LRRC41: variants seen among roughly 807,000 people sequenced by gnomAD.
The protein encoded by LRRC41 is leucine rich repeat containing 41, also known as leucine-rich repeat-containing protein 41.
Under a neutral mutation model 72.1 loss-of-function variants are expected in LRRC41, and 17 were observed. The ratio of observed to expected loss-of-function variants is 0.24; its 90% CI spans 0.16 to 0.35. The LOEUF is 0.35. Ranked by LOEUF, LRRC41 falls within the 10% of genes least tolerant of loss-of-function variation. The probability of loss-of-function intolerance (pLI) is 1.00; values close to 1 mark genes in which losing one functional copy is unlikely to be tolerated. For missense variants in LRRC41, 759 were observed against 1,065.0 expected (o/e 0.71, Z 4.00); for synonymous variants, 427 against 431.0 (o/e 0.99, Z 0.11).
In LRRC41 at chr1:46,302,488, C is replaced by A; in HGVS notation, c.199+636G>T. 1 of 985,384 alleles carries A rather than the reference C, an allele frequency of 1.0e-6. No individual in the cohort carries two copies. Among genetic ancestry groups the A allele is most frequent in the Non-Finnish European group, 1.2e-6 (1 of 829,894 alleles). 61.0% of individuals were successfully genotyped at this position (985,384 alleles called of 1,614,324 possible). A position where few individuals can be genotyped will look rare whatever the true frequency, so the allele number is the denominator to read the frequency against. On this transcript the variant is annotated intron_variant, in intron 1 of 9. Coordinates refer to ENST00000617190, the MANE Select transcript of LRRC41 (RefSeq NM_006369.5). The surrounding 1 kb of genome is among the most constrained non-coding windows in gnomAD (Gnocchi z 4.7). ...CGAGACCCCGGTTGTCGGTTCGCTC[C>A]CGTCAGCCCTGGGCCGTCAGACAGG...
At position 46,279,583 on chromosome 1, in the gene LRRC41, C is replaced by T; in HGVS notation, c.2052G>A (p.Glu684=). Residue 684 remains glutamate, a synonymous_variant, in exon 8 of 10, where the codon GAG becomes GAA. Coordinates refer to ENST00000617190, the MANE Select transcript of LRRC41 (RefSeq NM_006369.5). This position sits in a 1 kb window ranked among gnomAD's most constrained non-coding sequence, Gnocchi z 4.5. ...EITFSFCRLF[E]KRPAQFLPEM... The stretch of plus-strand genomic sequence containing the variant: ...CAGGCAGAAATTGGGCTGGGCGCTT[C>T]TCAAACAGACGGCAGAAGGAGAAGG... 1 of 1,614,188 alleles carries T rather than the reference C, an allele frequency of 6.2e-7. No homozygotes were observed. The highest frequency in any genetic ancestry group is 1.1e-5 in the South Asian group (1 of 91,084).
At position 46,286,742 on chromosome 1, in the gene LRRC41, A is replaced by G. The variant is rs1660891488; in HGVS notation, c.358-243T>C. ...CCCTGGAAATCTGGTTCCAGAGACCATGCTTTTATTATAGTGTCTCCACTG... is the reference window on the plus strand; with the variant it reads ...CCCTGGAAATCTGGTTCCAGAGACCGTGCTTTTATTATAGTGTCTCCACTG... On this transcript the variant is annotated intron_variant, in intron 3 of 9. Transcript: ENST00000617190. This position sits in a 1 kb window ranked among gnomAD's most constrained non-coding sequence, Gnocchi z 5.5. Among the ~76,000 whole-genome samples, 1 of 152,212 alleles carries G rather than the reference A, an allele frequency of 6.6e-6. No homozygotes were observed. The highest frequency in any genetic ancestry group is 1.5e-5 in the Non-Finnish European group (1 of 68,034).
chr1:46,297,802 C>T lies in LRRC41; in HGVS notation c.287-169G>A, dbSNP rs556590958. Among the ~76,000 whole-genome samples the T allele has an allele frequency of 1.6e-4, 24 of 152,272 alleles. No homozygotes were observed. In the East Asian group the frequency reaches 4.6e-3, roughly 29 times the overall value. On this transcript the variant is annotated intron_variant, in intron 2 of 9. Transcript: ENST00000617190. ...TGAATATCAGCAAACTACACTCCAG[C>T]TATGTGACTTTGCGCAAGTTACTTA...
chr1:46,277,813 C>T lies in LRRC41; in HGVS notation c.*1052G>A, dbSNP rs949349864. 10 of 1,603,984 alleles carry T rather than the reference C, an allele frequency of 6.2e-6. No individual in the cohort carries two copies. Among genetic ancestry groups the T allele is most frequent in the Non-Finnish European group, 8.5e-6 (10 of 1,171,146 alleles). On this transcript the variant is annotated 3_prime_UTR_variant, in exon 10 of 10. Coordinates refer to ENST00000617190, the MANE Select transcript of LRRC41 (RefSeq NM_006369.5). ...TTTGACATTCCCCACCTCCTCTTCC[C>T]CAGGCAGGGACCATTGAGGAGAAGA...
rs531864762 is a variant in LRRC41 at position 46,291,226 on chromosome 1, G to A, written c.358-4727C>T. On this transcript the variant is annotated intron_variant, in intron 3 of 9. Coordinates refer to ENST00000617190, the MANE Select transcript of LRRC41 (RefSeq NM_006369.5). ...GGTATGAGCCACAGTGCCTGACCCT[G>A]TTACTAGCTTTTTTATATTAAACTC... Among the ~76,000 whole-genome samples the A allele has an allele frequency of 2.0e-5, 3 of 152,114 alleles. No individual in the cohort carries two copies. In the South Asian group the frequency reaches 6.2e-4, roughly 32 times the overall value.
intron 3 of LRRC41, among the ~76,000 whole-genome samples, chr1:46,289,276 AT>A (rs1660951821): frequency 6.6e-6 from 1 of 152,328 alleles, no homozygotes; most frequent in South Asian, 2.1e-4. Context: ...ACTAACTGTA[AT>A]TTAGGCAAGT....
intron 3 of LRRC41, among the ~76,000 whole-genome samples, chr1:46,290,699 C>T (rs749466693): frequency 1.8e-4 from 27 of 150,986 alleles, no homozygotes; most frequent in African/African-American, 3.2e-4. Flanking sequence ...CTCTGCCTCC[C>T]GGGTTCAAGC....
Position 46,280,296 on chromosome 1 carries a change from T to C in LRRC41, c.1922-6A>G, listed in dbSNP as rs756238238. 8 of 1,613,666 alleles carry C rather than the reference T, an allele frequency of 5.0e-6. No homozygotes were observed. The Admixed American group carries it at 6.7e-5, about 13-fold the overall frequency. On this transcript the variant is annotated splice_region_variant and splice_polypyrimidine_tract_variant and intron_variant, in intron 6 of 9. Transcript: ENST00000617190. ...TTTCAGGGCTAGGTTGTACTCTGGA[T>C]AGGAGGCAGAGACCATGGACCATGG... is the stretch of plus-strand genomic sequence containing the variant.
chr1:46,297,815 C>T (rs1307007288), intron 2 of LRRC41, among the ~76,000 whole-genome samples, 182 bp from the exon 3 acceptor site: 7 of 152,080 alleles, frequency 4.6e-5, no homozygotes, highest in African/African-American at 1.2e-4. Flanking sequence ...TGTGACTTTG[C>T]GCAAGTTACT....
Position 46,285,998 on chromosome 1 carries a change from G to T in LRRC41, c.859C>A (p.Arg287Ser). 1 of 1,554,040 alleles carries T rather than the reference G, an allele frequency of 6.4e-7. No individual in the cohort carries two copies. Among genetic ancestry groups the T allele is most frequent in the Non-Finnish European group, 8.7e-7 (1 of 1,149,760 alleles). Residue 287 changes from arginine to serine, a missense_variant, in exon 4 of 10, where the codon CGT (arginine) becomes AGT (serine). Arg to Ser is a moderately radical substitution (Grantham distance 110). Around this residue, in one of 4 missense-constraint regions of LRRC41, gnomAD observed 427 missense variants for 520.9 expected, o/e 0.82. Coordinates refer to ENST00000617190, the MANE Select transcript of LRRC41 (RefSeq NM_006369.5). The surrounding 1 kb of genome is among the most constrained non-coding windows in gnomAD (Gnocchi z 5.3). ...RDEGSLLLGS[R>S]RPRRDAAERC... Reference sequence around the variant, plus strand: ...TCAGCAGCATCCCGGCGGGGCCGACGTGAGCCCAATAAGAGGGACCCTTCA... The same window carrying T: ...TCAGCAGCATCCCGGCGGGGCCGACTTGAGCCCAATAAGAGGGACCCTTCA...
chr1:46,280,708 A>C, intron 5 of LRRC41, 148 bp from the exon 6 acceptor site: 1 of 794,490 alleles, frequency 1.3e-6, no homozygotes, highest in Non-Finnish European at 2.0e-6. Flanking sequence ...GCACTGTGCT[A>C]GATTCTAGGA....
chr1:46,285,946 C>T lies in LRRC41; in HGVS notation c.911G>A (p.Ser304Asn). The change falls in exon 4 of 10, where the codon AGC becomes AAC. Residue 304 changes from serine (S) to asparagine (N), a missense_variant. This residue lies in a region of LRRC41 where 427 missense variants were observed against 520.9 expected (regional missense o/e 0.82). Transcript: ENST00000617190. The surrounding 1 kb of genome is among the most constrained non-coding windows in gnomAD (Gnocchi z 5.3). ...CTGCTTGGCTTCACTCTTACGCCGGCTGGCCATCAGGGCTGCAGCACATCG... is the reference window on the plus strand; with the variant it reads ...CTGCTTGGCTTCACTCTTACGCCGGTTGGCCATCAGGGCTGCAGCACATCG... ...AERCAAALMA[S>N]RRKSEAKQMP... The T allele has an allele frequency of 2.0e-6, 3 of 1,534,206 alleles. No homozygotes were observed. Among genetic ancestry groups the T allele is most frequent in the Non-Finnish European group, 2.6e-6 (3 of 1,141,668 alleles).
rs1188382893 is a variant in LRRC41 at position 46,302,277 on chromosome 1, T to C, written c.199+847A>G. On this transcript the variant is annotated intron_variant, in intron 1 of 9. Transcript: ENST00000617190. The surrounding 1 kb of genome is among the most constrained non-coding windows in gnomAD (Gnocchi z 4.7). ...CGGGATCCCCGGGCCGTCGCCCCGC[T>C]TGGGGCCTCCTTGGCCCTTCCCGCC... is the stretch of plus-strand genomic sequence containing the variant. The C allele has an allele frequency of 2.0e-6, 2 of 985,168 alleles. No individual in the cohort carries two copies. Among genetic ancestry groups the C allele is most frequent in the Non-Finnish European group, 2.4e-6 (2 of 829,892 alleles). 61.0% of individuals were successfully genotyped at this position (985,168 alleles called of 1,614,324 possible). A position where few individuals can be genotyped will look rare whatever the true frequency, so the allele number is the denominator to read the frequency against.
Position 46,290,615 on chromosome 1 carries a change from C to CTT in LRRC41, c.358-4118_358-4117dup, listed in dbSNP as rs549146330. ...TATTTAATATTTCCATTGTTTCTAG[C>CTT]TTTTTTTTTTTTTTTTCCTCTGTCG... On this transcript the variant is annotated intron_variant, in intron 3 of 9. Transcript: ENST00000617190. Among the ~76,000 whole-genome samples, 1,037 of 138,834 alleles carry CTT rather than the reference C, an allele frequency of 7.5e-3. 17 individuals carry two copies. The highest frequency in any genetic ancestry group is 0.03 in the Middle Eastern group (8 of 264). 91.1% of individuals were successfully genotyped at this position (138,834 alleles called of 152,430 possible). A position where few individuals can be genotyped will look rare whatever the true frequency, so the allele number is the denominator to read the frequency against.
chr1:46,280,890 T>A (rs745887328), intron 5 of LRRC41, among the ~76,000 whole-genome samples: 1 of 152,196 alleles, frequency 6.6e-6, no homozygotes, highest in African/African-American at 2.4e-5. Flanking sequence ...ATCAGTTCTT[T>A]TCCTTTTCTG....
In LRRC41 at chr1:46,285,179, G is replaced by C; in HGVS notation, c.1495+183C>G. 2 of 643,842 alleles carry C rather than the reference G, an allele frequency of 3.1e-6. No individual in the cohort carries two copies. Among genetic ancestry groups the C allele is most frequent in the Non-Finnish European group, 5.5e-6 (2 of 361,178 alleles). The allele number at this position is 643,842 out of a possible 1,614,324, so 39.9% of individuals were successfully genotyped here. On this transcript the variant is annotated intron_variant, in intron 4 of 9. Coordinates refer to ENST00000617190, the MANE Select transcript of LRRC41 (RefSeq NM_006369.5). The surrounding 1 kb of genome is among the most constrained non-coding windows in gnomAD (Gnocchi z 5.3). Reference sequence around the variant, plus strand: ...CCCTGCTTTCAACAACTAATCAAGTGTATAGACTTTATGTTCCTCTCTTCT... The same window carrying C: ...CCCTGCTTTCAACAACTAATCAAGTCTATAGACTTTATGTTCCTCTCTTCT...
Position 46,278,298 on chromosome 1 carries a change from G to A in LRRC41, c.*567C>T, listed in dbSNP as rs760934733. 3.7e-6 allele frequency: 6 copies of A among 1,603,466 alleles called. No individual in the cohort carries two copies. Among genetic ancestry groups the A allele is most frequent in the Non-Finnish European group, 4.3e-6 (5 of 1,175,192 alleles). ...CCTCCGCTGATAACCAGCTGGTCTGGGTGTAGCTCTTAGAGGAAGGAGATA... is the reference window on the plus strand; with the variant it reads ...CCTCCGCTGATAACCAGCTGGTCTGAGTGTAGCTCTTAGAGGAAGGAGATA... On this transcript the variant is annotated 3_prime_UTR_variant, in exon 10 of 10. Coordinates refer to ENST00000617190, the MANE Select transcript of LRRC41 (RefSeq NM_006369.5).
Position 46,303,551 on chromosome 1 carries a change from G to A in LRRC41, c.-229C>T. The stretch of plus-strand genomic sequence containing the variant: ...GACTAAGGGGATGTTTCTTAGCAAA[G>A]CCTCCTCGGGTGCAAACATCAGCTA... On this transcript the variant is annotated 5_prime_UTR_variant, in exon 1 of 10. Coordinates refer to ENST00000617190, the MANE Select transcript of LRRC41 (RefSeq NM_006369.5). The A allele has an allele frequency of 1.3e-6, 1 of 773,914 alleles. No individual in the cohort carries two copies. Among genetic ancestry groups the A allele is most frequent in the Non-Finnish European group, 2.0e-6 (1 of 491,796 alleles). 47.9% of individuals were successfully genotyped at this position (773,914 alleles called of 1,614,324 possible). A position where few individuals can be genotyped will look rare whatever the true frequency, so the allele number is the denominator to read the frequency against.
chr1:46,280,197 A>G lies in LRRC41; in HGVS notation c.2015T>C (p.Leu672Pro). The G allele has an allele frequency of 6.2e-7, 1 of 1,613,312 alleles. No individual in the cohort carries two copies. Among genetic ancestry groups the G allele is most frequent in the Non-Finnish European group, 8.5e-7 (1 of 1,179,212 alleles). Reference sequence around the variant, plus strand: ...GTTCTGAATAAGGAACTTACCTTGCAGAGTCAGATTCTGTAGCAAAAAGAG... The same window carrying G: ...GTTCTGAATAAGGAACTTACCTTGCGGAGTCAGATTCTGTAGCAAAAAGAG... The part of the protein sequence containing the change: ...EVLFLLQNLT[L>P]QEITFSFCRL... The change falls in exon 7 of 10, where the codon CTG (leucine) becomes CCG (proline). Residue 672 changes from leucine (L) to proline (P), a missense_variant. Leu to Pro is a moderately conservative substitution (Grantham distance 98, BLOSUM62 -3). This residue lies in a region of LRRC41 where 110 missense variants were observed against 227.0 expected (regional missense o/e 0.48). Coordinates refer to ENST00000617190, the MANE Select transcript of LRRC41 (RefSeq NM_006369.5).
Sources: gnomAD v4.1 joint callset for allele counts (sites outside exome capture counted in the v4.1 genomes callset) on GRCh38, gnomAD v4.1.1 for gene constraint, gnomAD v4.1.1 regional missense constraint, Gnocchi (gnomAD v3.1) non-coding constraint, MANE v1.5 for transcripts, NCBI Gene and HGNC (gene_info 2026-07-23, HGNC 2026-07-21) for gene names.